The following MCU variants were observed in gnomAD, a reference collection of about 807,000 sequenced individuals.
MCU encodes mitochondrial calcium uniporter.
A neutral mutation model predicts 45.2 loss-of-function variants in MCU; 12 were observed. That is an observed-to-expected ratio of 0.27 (90% confidence interval 0.17 to 0.43). The LOEUF is 0.43. Among genes scored for constraint, MCU ranks in the 20% least tolerant of loss-of-function variants. MCU has a pLI of 1.00. For missense variants in MCU, 324 were observed against 436.7 expected (o/e 0.74, Z 2.30); for synonymous variants, 160 against 165.1 (o/e 0.97, Z 0.24).
chr10:72,861,940 C>T (rs12767785), intron 4 of MCU, among the ~76,000 whole-genome samples: 4 of 150,968 alleles, frequency 2.6e-5, no homozygotes, highest in Non-Finnish European at 5.9e-5. Flanking sequence ...CTGCACAGTA[C>T]AATGCTAAGT....
intron 1 of MCU, among the ~76,000 whole-genome samples, chr10:72,802,995 G>A (rs1014118841): frequency 1.3e-5 from 2 of 152,122 alleles, no homozygotes; most frequent in Non-Finnish European, 2.9e-5. Context: ...TATTACTCAT[G>A]ACTCATTGTT....
chr10:72,770,529 C>T (rs1843790068), intron 1 of MCU, among the ~76,000 whole-genome samples: 1 of 151,912 alleles, frequency 6.6e-6, no homozygotes, highest in Non-Finnish European at 1.5e-5. Context: ...ATATATGTTA[C>T]AAACCTAACA....
intron 1 of MCU, among the ~76,000 whole-genome samples, chr10:72,724,244 C>T (rs1843066280): frequency 6.6e-6 from 1 of 152,166 alleles, no homozygotes; most frequent in African/African-American, 2.4e-5. Flanking sequence ...GAATTACTCT[C>T]TGCTTACATC....
intron 1 of MCU, among the ~76,000 whole-genome samples, chr10:72,830,378 A>G (rs1378926204): frequency 6.6e-6 from 1 of 152,250 alleles, no homozygotes; most frequent in African/African-American, 2.4e-5. Flanking sequence ...ATGAACTCAT[A>G]GAGGACAGAG....
Position 72,871,539 on chromosome 10 carries a change from A to G in MCU, c.820A>G (p.Ser274Gly), listed in dbSNP as rs1284256334. The change falls in exon 6 of 8, where the codon AGT (serine) becomes GGT (glycine). Residue 274 changes from serine to glycine, a missense_variant. Coordinates refer to ENST00000373053, the MANE Select transcript of MCU (RefSeq NM_138357.3). ...AGTAACATACTTCATCACTTATGGAAGTGCCATGGCAATGTATGCATATTT... is the reference window on the plus strand; with the variant it reads ...AGTAACATACTTCATCACTTATGGAGGTGCCATGGCAATGTATGCATATTT... ...EPVTYFITYG[S>G]AMAMYAYFVM... 4 of 1,614,108 alleles carry G rather than the reference A, an allele frequency of 2.5e-6. No homozygotes were observed. In the Admixed American group the frequency reaches 5.0e-5, roughly 20 times the overall value.
intron 2 of MCU, among the ~76,000 whole-genome samples, chr10:72,850,116 T>C (rs915784518): frequency 3.3e-5 from 5 of 152,124 alleles, no homozygotes; most frequent in African/African-American, 1.2e-4. Context: ...AGTTTCACCA[T>C]GTTGGCCAGA....
At chr10:72,853,534 A>G (rs1306569639) in intron 2 of MCU, among the ~76,000 whole-genome samples, 1 of 152,250 alleles carries the variant, frequency 6.6e-6, no homozygotes, top group Non-Finnish European at 1.5e-5. Flanking sequence ...ATGGCCTAAC[A>G]TAAGTGTAAT....
At chr10:72,714,145 T>G (rs1264313966) in intron 1 of MCU, among the ~76,000 whole-genome samples, 2 of 151,670 alleles carry the variant, frequency 1.3e-5, no homozygotes, top group African/African-American at 4.8e-5. Flanking sequence ...TTTTGTATTT[T>G]TAGTAGCGAT....
chr10:72,798,251 A>G (rs565036591), intron 1 of MCU, among the ~76,000 whole-genome samples: 48 of 152,232 alleles, frequency 3.2e-4, no homozygotes, highest in Non-Finnish European at 6.0e-4. Flanking sequence ...ATAAATGGGG[A>G]AAAAATACCC....
In MCU at chr10:72,886,760, C is replaced by G; in HGVS notation, c.*938C>G. ...TTTATTGCTAATCTGCTTTGTGTGA[C>G]AGCATTCCAGGCCAGCCAGATGGGA... On this transcript the variant is annotated 3_prime_UTR_variant, in exon 8 of 8. Transcript: ENST00000373053. The G allele has an allele frequency of 6.6e-6, 1 of 152,322 alleles. No homozygotes were observed. Among genetic ancestry groups the G allele is most frequent in the Non-Finnish European group, 1.5e-5 (1 of 68,036 alleles). The allele number at this position is 152,322 out of a possible 1,614,324, so 9.4% of individuals were successfully genotyped here.
intron 1 of MCU, among the ~76,000 whole-genome samples, chr10:72,758,678 C>T (rs1843611866): frequency 6.6e-6 from 1 of 152,112 alleles, no homozygotes; most frequent in Non-Finnish European, 1.5e-5. Context: ...AATGCTTTTG[C>T]TGAATGGGCC....
At chr10:72,784,711 GTA>G (rs1393403049) in intron 1 of MCU, among the ~76,000 whole-genome samples, 4 of 152,150 alleles carry the variant, frequency 2.6e-5, no homozygotes, top group Non-Finnish European at 4.4e-5. Context: ...AAGCCTGTCC[GTA>G]TGTGTGCGTG....
At chr10:72,787,456 A>C (rs1844091153) in intron 1 of MCU, among the ~76,000 whole-genome samples, 1 of 151,940 alleles carries the variant, frequency 6.6e-6, no homozygotes, top group South Asian at 2.1e-4. Context: ...TTTAGTAGAG[A>C]TGGGGTTTCA....
At chr10:72,793,545 AT>A (rs1426485121) in intron 1 of MCU, among the ~76,000 whole-genome samples, 1 of 152,014 alleles carries the variant, frequency 6.6e-6, no homozygotes, top group Non-Finnish European at 1.5e-5. Flanking sequence ...TCATTTTATT[AT>A]TATCTCTTAA....
intron 1 of MCU, among the ~76,000 whole-genome samples, chr10:72,745,374 G>A (rs552620866): frequency 1.3e-5 from 2 of 152,162 alleles, no homozygotes; most frequent in African/African-American, 2.4e-5. Context: ...CATCACAGGC[G>A]CACACTACCA....
At chr10:72,693,330 G>A (rs1842649021) in intron 1 of MCU, among the ~76,000 whole-genome samples, 1 of 152,100 alleles carries the variant, frequency 6.6e-6, no homozygotes, top group South Asian at 2.1e-4. Context: ...ATATGTGTTG[G>A]TCTCTGGCCA....
intron 5 of MCU, among the ~76,000 whole-genome samples, chr10:72,870,261 G>A (rs915900110): frequency 6.6e-6 from 1 of 152,012 alleles, no homozygotes; most frequent in Non-Finnish European, 1.5e-5. Context: ...CATGAATTGT[G>A]CTAGTATTTT....
intron 2 of MCU, among the ~76,000 whole-genome samples, chr10:72,855,554 G>T (rs2132863260): frequency 6.6e-6 from 1 of 152,186 alleles, no homozygotes; most frequent in South Asian, 2.1e-4. Context: ...TGTACTCCAG[G>T]CTGGGAGACA....
chr10:72,700,761 C>T (rs749306501), intron 1 of MCU, among the ~76,000 whole-genome samples: 29 of 152,080 alleles, frequency 1.9e-4, no homozygotes, highest in Non-Finnish European at 3.8e-4. Flanking sequence ...GAGCCTTTTC[C>T]AAAGGTTCTT....
Sources: allele counts gnomAD v4.1 joint callset (sites outside exome capture counted in the v4.1 genomes callset), GRCh38; gene constraint gnomAD v4.1.1; transcripts MANE v1.5; gene names NCBI Gene and HGNC (gene_info 2026-07-23, HGNC 2026-07-21).